The following FRMD6 variants were observed in gnomAD, a reference collection of about 807,000 sequenced individuals.
FRMD6 encodes the protein FERM domain containing 6, also known as FERM domain-containing protein 6.
A neutral mutation model predicts 73.2 loss-of-function variants in FRMD6; 37 were observed. The ratio of observed to expected loss-of-function variants is 0.51; its 90% CI spans 0.39 to 0.66. The LOEUF is 0.66. Ranked by LOEUF, FRMD6 falls within the 30% of genes least tolerant of loss-of-function variation. The pLI is 0.00. For missense variants in FRMD6, 714 were observed against 780.5 expected (o/e 0.91, Z 1.02); for synonymous variants, 273 against 282.2 (o/e 0.97, Z 0.33).
intron 6 of FRMD6, among the ~76,000 whole-genome samples, chr14:51,707,049 C>T (rs965477991): frequency 6.6e-6 from 1 of 152,046 alleles, no homozygotes; most frequent in Non-Finnish European, 1.5e-5. Context: ...TTTCCCCCAC[C>T]CTTGGGATCA....
intron 1 of FRMD6, among the ~76,000 whole-genome samples, chr14:51,536,093 T>TAGAG (rs199698272): frequency 3.4e-4 from 47 of 139,420 alleles, no homozygotes; most frequent in African/African-American, 9.9e-4. Context: ...TATATATATA[T>TAGAG]ATATAGAGAG....
At chr14:51,447,792 C>T in the FRMD6 span, among the ~76,000 whole-genome samples, 4 of 152,336 alleles carry the variant, frequency 2.6e-5, no homozygotes, top group East Asian at 7.7e-4. Flanking sequence ...TTCCCCACCC[C>T]TCAACACCAC....
the FRMD6 span, among the ~76,000 whole-genome samples, chr14:51,433,000 A>G: frequency 6.6e-6 from 1 of 152,226 alleles, no homozygotes; most frequent in Non-Finnish European, 1.5e-5. Context: ...GAGGAATACA[A>G]TTAAAACAAC....
At chr14:51,469,596 G>A in the FRMD6 span, among the ~76,000 whole-genome samples, 1 of 120,496 alleles carries the variant, frequency 8.3e-6, no homozygotes, top group Non-Finnish European at 1.6e-5. Flanking sequence ...CTGGGCGACA[G>A]AGCGAGACTC....
At chr14:51,634,426 G>C (rs547410431) in intron 2 of FRMD6, among the ~76,000 whole-genome samples, 1 of 152,242 alleles carries the variant, frequency 6.6e-6, no homozygotes, top group African/African-American at 2.4e-5. Context: ...TCCTCTCTCC[G>C]AATTATCTCT....
At chr14:51,628,712 A>G (rs1272758995) in intron 2 of FRMD6, among the ~76,000 whole-genome samples, 1 of 146,748 alleles carries the variant, frequency 6.8e-6, no homozygotes, top group Non-Finnish European at 1.5e-5. Flanking sequence ...GAGGCAGCAG[A>G]ATCACTTGAA....
chr14:51,645,673 C>G (rs903244595), intron 2 of FRMD6, among the ~76,000 whole-genome samples: 2 of 152,030 alleles, frequency 1.3e-5, no homozygotes, highest in Non-Finnish European at 2.9e-5. Flanking sequence ...TGGTCTCGAA[C>G]TCCTGGGCTC....
chr14:51,709,633 A>G (rs764698052), intron 7 of FRMD6, among the ~76,000 whole-genome samples: 99 of 152,186 alleles, frequency 6.5e-4, no homozygotes, highest in Non-Finnish European at 1.2e-3. Flanking sequence ...ATTGAGTTCC[A>G]TAAGATCTGT....
chr14:51,711,937 A>G (rs1169985200), intron 8 of FRMD6, among the ~76,000 whole-genome samples: 2 of 152,156 alleles, frequency 1.3e-5, no homozygotes, highest in Non-Finnish European at 2.9e-5. Flanking sequence ...TATCCTTTGG[A>G]GCATTTGTAA....
intron 11 of FRMD6, among the ~76,000 whole-genome samples, chr14:51,721,748 G>A (rs12878114): frequency 0.081 from 1,464 of 18,074 alleles, 38 homozygotes; most frequent in African/African-American, 0.21. Flanking sequence ...GGAAGGAAGG[G>A]AGGAAGGAAG....
chr14:51,410,769 A>C, the FRMD6 span, among the ~76,000 whole-genome samples: 1 of 152,210 alleles, frequency 6.6e-6, no homozygotes, highest in Non-Finnish European at 1.5e-5. Context: ...GTTCCAAAAA[A>C]CAGAATTATT....
intron 1 of FRMD6, among the ~76,000 whole-genome samples, chr14:51,535,438 T>C (rs1009422141): frequency 3.3e-5 from 5 of 152,208 alleles, no homozygotes; most frequent in African/African-American, 1.2e-4. Flanking sequence ...ATTTCTACTT[T>C]CTATCTCCAC....
chr14:51,438,770 C>T, the FRMD6 span, among the ~76,000 whole-genome samples: 2 of 152,152 alleles, frequency 1.3e-5, no homozygotes, highest in African/African-American at 4.8e-5. Context: ...TAAAATTTGC[C>T]TTTTACCGGG....
the FRMD6 span, among the ~76,000 whole-genome samples, chr14:51,411,129 A>G: frequency 1.3e-5 from 2 of 152,154 alleles, no homozygotes; most frequent in Admixed American, 1.3e-4. Context: ...ATGAAGGGTA[A>G]GAAGAGGCCC....
chr14:51,728,001 A>G lies in FRMD6; in HGVS notation c.1841A>G (p.His614Arg). ...AAATACTTTTCTCTGGATCTCACTC[A>G]TGATGAAGTTCCAGAGTTTGTTGTG... ...TSKYFSLDLT[H>R]DEVPEFVV is the part of the protein sequence containing the mutation. The change falls in exon 14 of 14, where the codon CAT becomes CGT. Residue 614 changes from histidine (H) to arginine (R), a missense_variant. His to Arg is a conservative substitution (Grantham distance 29, BLOSUM62 0). Transcript: ENST00000344768. The G allele has an allele frequency of 1.2e-6, 2 of 1,611,232 alleles. No homozygotes were observed.
At chr14:51,428,886 C>CCACCTGTGCCA in the FRMD6 span, among the ~76,000 whole-genome samples, 27 of 147,862 alleles carry the variant, frequency 1.8e-4, no homozygotes, top group East Asian at 5.1e-3. Context: ...TATGTGAAGA[C>CCACCTGTGCCA]TATGAAGATA....
intron 1 of FRMD6, among the ~76,000 whole-genome samples, chr14:51,555,209 C>CTATCA (rs1555375194): frequency 2.0e-5 from 3 of 152,196 alleles, no homozygotes; most frequent in Admixed American, 2.0e-4. Flanking sequence ...GCATACATGA[C>CTATCA]TATCACCGGG....
At chr14:51,574,154 A>C (rs993212527) in intron 2 of FRMD6, among the ~76,000 whole-genome samples, 4 of 152,150 alleles carry the variant, frequency 2.6e-5, no homozygotes, top group African/African-American at 9.7e-5. Flanking sequence ...AGCCCTGCCC[A>C]GCCCTTATGG....
chr14:51,694,017 A>G (rs1288049193), intron 2 of FRMD6, among the ~76,000 whole-genome samples: 1 of 152,214 alleles, frequency 6.6e-6, no homozygotes, highest in Non-Finnish European at 1.5e-5. Flanking sequence ...AAACGATTTT[A>G]TTAACTAATT....
Sources: gnomAD v4.1 joint callset for allele counts (sites outside exome capture counted in the v4.1 genomes callset) on GRCh38, gnomAD v4.1.1 for gene constraint, MANE v1.5 for transcripts, NCBI Gene and HGNC (gene_info 2026-07-23, HGNC 2026-07-21) for gene names.